Variants in CDH12 observed in about 807,000 individuals in gnomAD.
CDH12 encodes the protein cadherin-12.
CDH12 carries 41 observed loss-of-function variants against 74.1 expected under a neutral mutation model. That is an observed-to-expected ratio of 0.55 (90% confidence interval 0.43 to 0.72). CDH12 has a LOEUF of 0.72. CDH12 is among the 30% of genes least tolerant of loss of function. The pLI is 0.00. For missense variants in CDH12, 945 were observed against 977.2 expected (o/e 0.97, Z 0.44); for synonymous variants, 399 against 355.0 (o/e 1.12, Z -1.39).
intron 5 of CDH12, among the ~76,000 whole-genome samples, chr5:22,059,348 T>C (rs941484428): frequency 2.1e-3 from 226 of 105,544 alleles, no homozygotes; most frequent in Admixed American, 4.1e-3. Flanking sequence ...TCTATCTATC[T>C]ATCTATCTAT....
chr5:22,695,429 G>C (rs1742309507), intron 1 of CDH12, among the ~76,000 whole-genome samples: 1 of 151,970 alleles, frequency 6.6e-6, no homozygotes, highest in Non-Finnish European at 1.5e-5. Context: ...CAAATATGTA[G>C]ACCGATGGAA....
At chr5:22,027,283 G>A (rs1016399092) in intron 5 of CDH12, among the ~76,000 whole-genome samples, 1 of 151,992 alleles carries the variant, frequency 6.6e-6, no homozygotes, top group Non-Finnish European at 1.5e-5. Context: ...CTCTTTTTTG[G>A]TTGTGTCTCT....
intron 5 of CDH12, among the ~76,000 whole-genome samples, chr5:22,044,213 CA>C: frequency 6.6e-6 from 1 of 152,098 alleles, no homozygotes; most frequent in African/African-American, 2.4e-5. Context: ...ATGGTACTGG[CA>C]AAAAACAAAA....
At chr5:22,801,046 C>T (rs1372111932) in intron 1 of CDH12, among the ~76,000 whole-genome samples, 1 of 152,152 alleles carries the variant, frequency 6.6e-6, no homozygotes, top group African/African-American at 2.4e-5. Context: ...CTTTCATCTC[C>T]TTTGCATAAA....
At chr5:22,823,842 C>T (rs530789580) in intron 1 of CDH12, among the ~76,000 whole-genome samples, 5 of 152,234 alleles carry the variant, frequency 3.3e-5, no homozygotes, top group African/African-American at 9.6e-5. Flanking sequence ...TGTAAGTTTT[C>T]TGATGCTTCC....
chr5:22,496,677 G>A (rs271101), intron 2 of CDH12, among the ~76,000 whole-genome samples: 142,008 of 152,218 alleles, frequency 0.93, 66,333 homozygotes, highest in Admixed American at 0.97. Flanking sequence ...TGGAATCCAC[G>A]TTGTGATTCC....
chr5:22,455,218 G>A (rs1291148200), intron 2 of CDH12, among the ~76,000 whole-genome samples: 1 of 152,174 alleles, frequency 6.6e-6, no homozygotes, highest in African/African-American at 2.4e-5. Flanking sequence ...TGTCCCAGCT[G>A]AAATTTGAAG....
In CDH12 at chr5:22,068,997, T is replaced by A. The variant is rs549897473; in HGVS notation, c.231+9449A>T. Among the ~76,000 whole-genome samples, 12 of 152,290 alleles carry A rather than the reference T, an allele frequency of 7.9e-5. No individual in the cohort carries two copies. In the South Asian group the frequency reaches 2.1e-3, roughly 26 times the overall value. On this transcript the variant is annotated intron_variant, in intron 5 of 14. Coordinates refer to ENST00000382254, the MANE Select transcript of CDH12 (RefSeq NM_004061.5). ...AATTAACCAGCAACCTGGTGACAGG[T>A]TGATTACACTTGATCACTTTCATCA...
intron 5 of CDH12, among the ~76,000 whole-genome samples, chr5:22,046,854 T>TC (rs1309424061): frequency 1.3e-5 from 2 of 152,198 alleles, no homozygotes; most frequent in Admixed American, 6.5e-5. Flanking sequence ...GGTGAGCATC[T>TC]CGTCATGTTT....
At chr5:22,634,130 T>C (rs1738715649) in intron 1 of CDH12, among the ~76,000 whole-genome samples, 1 of 152,084 alleles carries the variant, frequency 6.6e-6, no homozygotes, top group Non-Finnish European at 1.5e-5. Context: ...ATCAAAATGA[T>C]ATACTAGAAT....
At chr5:22,222,617 A>G (rs1213311660) in intron 3 of CDH12, among the ~76,000 whole-genome samples, 3 of 151,826 alleles carry the variant, frequency 2.0e-5, no homozygotes, top group South Asian at 2.1e-4. Flanking sequence ...TCAAAATCAT[A>G]TATTATTAAT....
intron 6 of CDH12, among the ~76,000 whole-genome samples, chr5:21,903,446 C>T (rs970315359): frequency 2.6e-5 from 4 of 152,176 alleles, no homozygotes; most frequent in Non-Finnish European, 5.9e-5. Context: ...CTGTCTTCAA[C>T]TCCCTTCCTG....
At chr5:22,325,043 T>G (rs1739028782) in intron 3 of CDH12, among the ~76,000 whole-genome samples, 1 of 152,134 alleles carries the variant, frequency 6.6e-6, no homozygotes, top group African/African-American at 2.4e-5. Flanking sequence ...TAATTCAATA[T>G]CAGTGGAAAT....
chr5:22,194,059 TGGAGTCTAG>T (rs1327021670), intron 4 of CDH12, among the ~76,000 whole-genome samples: 1 of 152,164 alleles, frequency 6.6e-6, no homozygotes, highest in South Asian at 2.1e-4. Context: ...AAACCCAGGA[TGGAGTCTAG>T]GGCTTTGTCT....
intron 5 of CDH12, among the ~76,000 whole-genome samples, chr5:22,038,885 G>A (rs1473210863): frequency 1.3e-5 from 2 of 152,118 alleles, no homozygotes; most frequent in Admixed American, 1.3e-4. Flanking sequence ...AATGCCCTCC[G>A]ATACAGGCCA....
rs116637715 is a variant in CDH12, at chr5:22,023,457, C to G, written c.232-48072G>C. 8.0e-3 allele frequency among the ~76,000 whole-genome samples: 1,223 copies of G among 152,132 alleles called. 18 individuals are homozygous for G. The highest frequency in any genetic ancestry group is 0.028 in the African/African-American group (1,175 of 41,500). The stretch of plus-strand genomic sequence containing the variant: ...GTATCCTGTGATGACAATGTGGTCT[C>G]TGACTTCATCAAGCTTTCATTCTCT... On this transcript the variant is annotated intron_variant, in intron 5 of 14. Coordinates refer to ENST00000382254, the MANE Select transcript of CDH12 (RefSeq NM_004061.5).
chr5:21,849,076 A>G (rs62348750), intron 7 of CDH12, among the ~76,000 whole-genome samples: 9,399 of 151,970 alleles, frequency 0.062, 360 homozygotes, highest in East Asian at 0.14. Flanking sequence ...CTAATGAGTT[A>G]TCATTCTTAT....
chr5:22,057,100 T>C (rs1454209640), intron 5 of CDH12, among the ~76,000 whole-genome samples: 1 of 152,234 alleles, frequency 6.6e-6, no homozygotes, highest in Non-Finnish European at 1.5e-5. Flanking sequence ...AAGGACCAAG[T>C]AGTAAGCATT....
chr5:21,981,575 A>G (rs1757308013), intron 5 of CDH12, among the ~76,000 whole-genome samples: 1 of 152,014 alleles, frequency 6.6e-6, no homozygotes, highest in Non-Finnish European at 1.5e-5. Flanking sequence ...TAGCATTAAC[A>G]CCTTTACGCT....
Sources: allele counts gnomAD v4.1 joint callset (sites outside exome capture counted in the v4.1 genomes callset), GRCh38; gene constraint gnomAD v4.1.1; transcripts MANE v1.5; gene names NCBI Gene and HGNC (gene_info 2026-07-23, HGNC 2026-07-21).